Variants in FGGY observed in about 807,000 individuals in gnomAD.
FGGY encodes the protein FGGY carbohydrate kinase domain containing.
A neutral mutation model predicts 71.3 loss-of-function variants in FGGY; 72 were observed. That is an observed-to-expected ratio of 1.01 (90% CI 0.84 to 1.23). The LOEUF is 1.23. FGGY is among the 50% of genes most tolerant of loss of function. The pLI, the probability that FGGY is intolerant of heterozygous loss-of-function variation, is 0.00. For synonymous variants in FGGY, 251 were observed against 250.3 expected (o/e 1.00, Z -0.02); for missense variants, 668 against 682.3 (o/e 0.98, Z 0.23).
intron 6 of FGGY, among the ~76,000 whole-genome samples, chr1:59,461,501 G>C (rs2092213174): frequency 6.6e-6 from 1 of 152,164 alleles, no homozygotes; most frequent in Non-Finnish European, 1.5e-5. Flanking sequence ...CACATTTCAG[G>C]ATATTATCCA....
chr1:59,595,510 G>A lies in FGGY; in HGVS notation c.904-12293G>A, dbSNP rs1218596572. Among the ~76,000 whole-genome samples the A allele has an allele frequency of 3.3e-5, 5 of 152,116 alleles. 1 individual carries two copies. The highest frequency in any genetic ancestry group is 1.9e-4 in the East Asian group (1 of 5,164). On this transcript the variant is annotated intron_variant, in intron 8 of 15. Transcript: ENST00000303721. ...TCGAGACCAGCCTAGCCAATATGGC[G>A]AAACCCCATCTCTACTGAAAATACA...
intron 6 of FGGY, among the ~76,000 whole-genome samples, chr1:59,458,663 A>AT (rs759068535): frequency 5.3e-5 from 8 of 152,112 alleles, no homozygotes; most frequent in Non-Finnish European, 8.8e-5. Flanking sequence ...ACTTTATTAG[A>AT]TTTTTTCCCT....
At chr1:59,430,181 G>A (rs1241171567) in intron 5 of FGGY, among the ~76,000 whole-genome samples, 1 of 152,222 alleles carries the variant, frequency 6.6e-6, no homozygotes, top group Admixed American at 6.5e-5. Flanking sequence ...CAGAGAATTA[G>A]CCATAATTGG....
chr1:59,502,109 G>A (rs1282930470), intron 6 of FGGY, among the ~76,000 whole-genome samples: 2 of 152,164 alleles, frequency 1.3e-5, no homozygotes, highest in African/African-American at 2.4e-5. Context: ...ACCGTTGCAG[G>A]GAAGTTAAAT....
chr1:59,687,569 C>T (rs2097554326), intron 14 of FGGY, among the ~76,000 whole-genome samples: 1 of 151,932 alleles, frequency 6.6e-6, no homozygotes, highest in Non-Finnish European at 1.5e-5. Context: ...TGGGTTCACG[C>T]CATTCTCCTG....
At chr1:59,540,339 CCATCAATAATAGAATT>C (rs2095420746) in intron 7 of FGGY, among the ~76,000 whole-genome samples, 1 of 152,154 alleles carries the variant, frequency 6.6e-6, no homozygotes, top group Non-Finnish European at 1.5e-5. Flanking sequence ...CCCCCAGTTC[CCATCAATAATAGAATT>C]CATCAATGTT....
intron 11 of FGGY, among the ~76,000 whole-genome samples, chr1:59,656,540 G>C (rs1032379119): frequency 5.3e-5 from 8 of 152,172 alleles, no homozygotes; most frequent in African/African-American, 1.7e-4. Flanking sequence ...ACGATCATCT[G>C]CATATCAGAT....
chr1:59,395,766 A>G (rs1242940108), intron 5 of FGGY, among the ~76,000 whole-genome samples: 1 of 152,186 alleles, frequency 6.6e-6, no homozygotes, highest in Non-Finnish European at 1.5e-5. Flanking sequence ...GACTCAAAAG[A>G]GGCTAAGGAA....
At chr1:59,680,301 C>T (rs536292824) in intron 14 of FGGY, among the ~76,000 whole-genome samples, 1 of 151,916 alleles carries the variant, frequency 6.6e-6, no homozygotes, top group South Asian at 2.1e-4. Context: ...TCTGAGTATC[C>T]TGTCCCATAT....
In FGGY at chr1:59,504,003, A is replaced by G. The variant is rs185364071; in HGVS notation, c.671-8308A>G. ...AGAATGCTACACAGAGAGGCCAAAAAAAGTCTGAGCAGATAGTCCTTGCTG... is the reference window on the plus strand; with the variant it reads ...AGAATGCTACACAGAGAGGCCAAAAGAAGTCTGAGCAGATAGTCCTTGCTG... On this transcript the variant is annotated intron_variant, in intron 6 of 15. Transcript: ENST00000303721. Among the ~76,000 whole-genome samples the G allele has an allele frequency of 2.7e-3, 404 of 152,274 alleles. 4 individuals are homozygous for G. The highest frequency in any genetic ancestry group is 1.3e-3 in the Non-Finnish European group (88 of 68,026).
chr1:59,459,436 G>A (rs2091989169), intron 6 of FGGY, among the ~76,000 whole-genome samples: 1 of 152,168 alleles, frequency 6.6e-6, no homozygotes, highest in Non-Finnish European at 1.5e-5. Context: ...AAAGAATATA[G>A]TAGAAATTTC....
chr1:59,521,037 G>T (rs190928133), intron 7 of FGGY, among the ~76,000 whole-genome samples: 3 of 5,656 alleles, frequency 5.3e-4, no homozygotes, highest in South Asian at 2.8e-3. Flanking sequence ...AATTGGGGGT[G>T]GGGGGGGATT....
intron 8 of FGGY, among the ~76,000 whole-genome samples, chr1:59,592,973 A>C (rs1351338452): frequency 1.3e-5 from 2 of 152,190 alleles, no homozygotes; most frequent in East Asian, 3.8e-4. Flanking sequence ...AAAAAAATAA[A>C]AGAGAAATGC....
At chr1:59,304,991 T>G (rs1000114125) in intron 1 of FGGY, among the ~76,000 whole-genome samples, 3 of 152,172 alleles carry the variant, frequency 2.0e-5, no homozygotes, top group African/African-American at 7.2e-5. Context: ...ATATATAATA[T>G]CATGTCATCT....
At chr1:59,481,043 C>G (rs2093448646) in intron 6 of FGGY, among the ~76,000 whole-genome samples, 2 of 148,746 alleles carry the variant, frequency 1.3e-5, no homozygotes, top group Admixed American at 1.4e-4. Flanking sequence ...TTTATAAGTT[C>G]AATAGTACAT....
intron 14 of FGGY, among the ~76,000 whole-genome samples, chr1:59,750,664 C>T (rs2098237679): frequency 6.6e-6 from 1 of 152,068 alleles, no homozygotes; most frequent in Non-Finnish European, 1.5e-5. Flanking sequence ...ACACAGAATA[C>T]CAGGTGCAGG....
chr1:59,758,946 G>A (rs2098318297), intron 15 of FGGY, among the ~76,000 whole-genome samples: 1 of 152,148 alleles, frequency 6.6e-6, no homozygotes, highest in Admixed American at 6.5e-5. Context: ...ATGCAGATCA[G>A]AAAAATCCCT....
At chr1:59,400,391 C>T (rs1302910932) in intron 5 of FGGY, among the ~76,000 whole-genome samples, 1 of 152,174 alleles carries the variant, frequency 6.6e-6, no homozygotes, top group Non-Finnish European at 1.5e-5. Context: ...GTATTCTAGA[C>T]ATGACTTCTC....
intron 7 of FGGY, among the ~76,000 whole-genome samples, chr1:59,513,547 A>T (rs1291376715): frequency 6.6e-6 from 1 of 152,238 alleles, no homozygotes; most frequent in Non-Finnish European, 1.5e-5. Context: ...ACTCAGGTGT[A>T]TTTAGAAATT....
Sources: allele counts gnomAD v4.1 joint callset (sites outside exome capture counted in the v4.1 genomes callset), GRCh38; gene constraint gnomAD v4.1.1; transcripts MANE v1.5; gene names NCBI Gene and HGNC (gene_info 2026-07-23, HGNC 2026-07-21).